Variants in ILRUN observed in about 807,000 individuals in gnomAD.
ILRUN encodes the protein inflammation and lipid regulator with UBA-like and NBR1-like domains, also known as protein ILRUN.
ILRUN carries 3 observed loss-of-function variants against 33.8 expected under a neutral mutation model. The observed-to-expected ratio is 0.09, with a 90% CI of 0.04 to 0.23. ILRUN has a LOEUF of 0.23. Ranked by LOEUF, ILRUN falls within the 10% of genes least tolerant of loss-of-function variation. The probability of loss-of-function intolerance (pLI) is 1.00; values close to 1 mark genes in which losing one functional copy is unlikely to be tolerated. For synonymous variants in ILRUN, 124 were observed against 138.9 expected (o/e 0.89, Z 0.75); for missense variants, 210 against 375.1 (o/e 0.56, Z 3.64).
chr6:34,644,132 A>G (rs1762524217), intron 3 of ILRUN, among the ~76,000 whole-genome samples: 1 of 152,206 alleles, frequency 6.6e-6, no homozygotes. Flanking sequence ...AGTGATAATT[A>G]TTTTAAATTT....
intron 4 of ILRUN, chr6:34,595,714 A>G: frequency 1.0e-6 from 1 of 968,314 alleles, no homozygotes; most frequent in Non-Finnish European, 1.2e-6. Context: ...ACTTTCACAT[A>G]CCTGTCTTTA....
At position 34,626,880 on chromosome 6, in the gene ILRUN, T is replaced by C. The variant is rs549047886; in HGVS notation, c.511+19721A>G. ...ATAAGCCAGGCATGGTGGTGCGCAC[T>C]TGTAATCCCAGCTACTCGGGAGGCT... On this transcript the variant is annotated intron_variant, in intron 3 of 4. Transcript: ENST00000374023. 2.5e-4 allele frequency among the ~76,000 whole-genome samples: 38 copies of C among 151,950 alleles called. No individual in the cohort carries two copies. The South Asian group carries it at 6.2e-3, about 25-fold the overall frequency.
At chr6:34,649,643 A>C (rs1421184728) in intron 2 of ILRUN, among the ~76,000 whole-genome samples, 1 of 152,244 alleles carries the variant, frequency 6.6e-6, no homozygotes, top group African/African-American at 2.4e-5. Flanking sequence ...CTTAGTAAGT[A>C]TATACAATTA....
intron 3 of ILRUN, among the ~76,000 whole-genome samples, chr6:34,631,756 G>A (rs2127348931): frequency 6.6e-6 from 1 of 152,302 alleles, no homozygotes; most frequent in African/African-American, 2.4e-5. Flanking sequence ...GGAAAGGGGA[G>A]CCATGCTTAA....
chr6:34,653,507 A>G (rs1179890629), intron 2 of ILRUN, among the ~76,000 whole-genome samples: 2 of 152,222 alleles, frequency 1.3e-5, no homozygotes, highest in Non-Finnish European at 2.9e-5. Context: ...TACAGGCATG[A>G]GCCACCATGC....
chr6:34,653,253 T>C lies in ILRUN; in HGVS notation c.313+1372A>G, dbSNP rs192507546. On this transcript the variant is annotated intron_variant, in intron 2 of 4. Transcript: ENST00000374023. ...TTTTATTTTTAATTTTTTTTTGAGA[T>C]GGAGTCTCACTCTGTCACCCAGCCT... 2.5e-3 allele frequency among the ~76,000 whole-genome samples: 385 copies of C among 151,962 alleles called. 4 individuals are homozygous for C. Among genetic ancestry groups the C allele is most frequent in the African/African-American group, 8.5e-3 (352 of 41,366 alleles).
At chr6:34,657,710 G>A (rs1237007961) in intron 1 of ILRUN, among the ~76,000 whole-genome samples, 1 of 152,204 alleles carries the variant, frequency 6.6e-6, no homozygotes, top group Non-Finnish European at 1.5e-5. Flanking sequence ...GCTTCTCAGA[G>A]TTCAGAGAAT....
intron 1 of ILRUN, among the ~76,000 whole-genome samples, chr6:34,691,588 G>A (rs1160563096): frequency 6.6e-6 from 1 of 152,042 alleles, no homozygotes; most frequent in Admixed American, 6.6e-5. Context: ...TGAGGTCAGG[G>A]GTTCGAGACC....
chr6:34,648,030 A>C (rs1232184207), intron 2 of ILRUN, among the ~76,000 whole-genome samples: 1 of 152,134 alleles, frequency 6.6e-6, no homozygotes, highest in East Asian at 1.9e-4. Context: ...ATTTTCATGT[A>C]ACTAATTCAT....
chr6:34,690,639 A>T (rs1763627515), intron 1 of ILRUN, among the ~76,000 whole-genome samples: 1 of 152,160 alleles, frequency 6.6e-6, no homozygotes, highest in Non-Finnish European at 1.5e-5. Context: ...TAAATTGAAC[A>T]TGTTTAAATT....
chr6:34,587,835 G>T lies in ILRUN; in HGVS notation c.*2730C>A, dbSNP rs545562531. 1 of 388,568 alleles carries T rather than the reference G, an allele frequency of 2.6e-6. No individual in the cohort carries two copies. The highest frequency in any genetic ancestry group is 1.4e-4 in the South Asian group (1 of 6,932). The allele number at this position is 388,568 out of a possible 1,614,324, so 24.1% of individuals were successfully genotyped here. On this transcript the variant is annotated 3_prime_UTR_variant, in exon 5 of 5. Coordinates refer to ENST00000374023, the MANE Select transcript of ILRUN (RefSeq NM_024294.4). ...ACACCTCACTCCATGCACACTGACA[G>T]ATTCTTCCCAAGTCTGAACCCCTCT... is the stretch of plus-strand genomic sequence containing the variant.
At chr6:34,686,634 TAAG>T (rs937707856) in intron 1 of ILRUN, 37 of 211,370 alleles carry the variant, frequency 1.8e-4, no homozygotes, top group African/African-American at 5.6e-4. Flanking sequence ...AGACTTTCTA[TAAG>T]AAGTATGGCA....
intron 4 of ILRUN, among the ~76,000 whole-genome samples, chr6:34,601,075 ACT>A (rs1761497270): frequency 1.3e-5 from 2 of 152,218 alleles, no homozygotes; most frequent in Admixed American, 6.5e-5. Flanking sequence ...CATGTCAAGC[ACT>A]GAGCCTATTG....
intron 4 of ILRUN, among the ~76,000 whole-genome samples, chr6:34,591,485 G>A (rs908066788): frequency 1.3e-5 from 2 of 151,054 alleles, no homozygotes; most frequent in Non-Finnish European, 2.9e-5. Context: ...GCAACAGAGC[G>A]AAATCCTGTC....
chr6:34,684,001 T>C (rs1216772901), intron 1 of ILRUN, among the ~76,000 whole-genome samples: 1 of 151,784 alleles, frequency 6.6e-6, no homozygotes, highest in Non-Finnish European at 1.5e-5. Context: ...GGGAGGCATA[T>C]GGGGGAGGGG....
At chr6:34,662,315 AAAAAAG>A (rs1562023100) in intron 1 of ILRUN, among the ~76,000 whole-genome samples, 2 of 151,448 alleles carry the variant, frequency 1.3e-5, no homozygotes, top group African/African-American at 4.8e-5. Flanking sequence ...CAAAAAAAAA[AAAAAAG>A]AAAAAGAAAA....
intron 2 of ILRUN, among the ~76,000 whole-genome samples, chr6:34,650,026 A>G (rs1762629187): frequency 1.3e-5 from 2 of 152,226 alleles, no homozygotes; most frequent in South Asian, 4.1e-4. Context: ...ACGACTCTGT[A>G]TCAATATGCC....
intron 1 of ILRUN, among the ~76,000 whole-genome samples, chr6:34,682,947 AGG>A (rs1432280063): frequency 2.0e-5 from 2 of 98,158 alleles, no homozygotes; most frequent in East Asian, 6.0e-4. Context: ...AGAGCAACAC[AGG>A]GAGACCCCAT....
chr6:34,592,522 T>A lies in ILRUN; in HGVS notation c.862-1922A>T, dbSNP rs1240542440. On this transcript the variant is annotated intron_variant, in intron 4 of 4. Coordinates refer to ENST00000374023, the MANE Select transcript of ILRUN (RefSeq NM_024294.4). This position sits in a 1 kb window ranked among gnomAD's most constrained non-coding sequence, Gnocchi z 4.0. The stretch of plus-strand genomic sequence containing the variant: ...ATTTTGCAAGTCCTGGTAGGGGGGG[T>A]CCCATACATCAGAGGTATCAAGTTC... Among the ~76,000 whole-genome samples the A allele has an allele frequency of 6.6e-6, 1 of 152,110 alleles. No individual in the cohort carries two copies. Among genetic ancestry groups the A allele is most frequent in the African/African-American group, 2.4e-5 (1 of 41,424 alleles).
Sources: allele counts gnomAD v4.1 joint callset (sites outside exome capture counted in the v4.1 genomes callset), GRCh38; gene constraint gnomAD v4.1.1; non-coding constraint Gnocchi (gnomAD v3.1); transcripts MANE v1.5; gene names NCBI Gene and HGNC (gene_info 2026-07-23, HGNC 2026-07-21).